The following EML5 variants were observed in gnomAD, a reference collection of about 807,000 sequenced individuals.
EML5 encodes echinoderm microtubule-associated protein-like 5.
Under a neutral mutation model 250.0 loss-of-function variants are expected in EML5, and 120 were observed. That is an observed-to-expected ratio of 0.48 (90% confidence interval 0.41 to 0.56). The LOEUF is 0.56. Among genes scored for constraint, EML5 ranks in the 20% least tolerant of loss-of-function variants. EML5 has a pLI of 0.00. For synonymous variants in EML5, 771 were observed against 806.5 expected (o/e 0.96, Z 0.75); for missense variants, 2,006 against 2,437.6 (o/e 0.82, Z 3.73).
chr14:88,612,780 T>TA lies in EML5; in HGVS notation c.*3037dup, dbSNP rs1491290850. 1 of 152,596 alleles carries TA rather than the reference T, an allele frequency of 6.6e-6. No homozygotes were observed. The highest frequency in any genetic ancestry group is 6.6e-5 in the Admixed American group (1 of 15,266). The allele number at this position is 152,596 out of a possible 1,614,324, so 9.5% of individuals were successfully genotyped here. ...GAAACTTTTGGCCTACTGTATTACT[T>TA]ACAGAGTTTTTTTGTGTGTGGTTTT... On this transcript the variant is annotated 3_prime_UTR_variant, in exon 44 of 44. Coordinates refer to ENST00000554922, the MANE Select transcript of EML5 (RefSeq NM_183387.3).
At chr14:88,741,868 T>C (rs1435873050) in intron 4 of EML5, among the ~76,000 whole-genome samples, 2 of 152,184 alleles carry the variant, frequency 1.3e-5, no homozygotes, top group South Asian at 2.1e-4. Flanking sequence ...ATTTTAAAAT[T>C]TGAAGCCTCA....
rs574980621 is a variant in EML5 at position 88,681,517 on chromosome 14, C to T, written c.3124+373G>A. 5.9e-5 allele frequency among the ~76,000 whole-genome samples: 9 copies of T among 152,310 alleles called. No homozygotes were observed. The South Asian group carries it at 1.9e-3, about 32-fold the overall frequency. On this transcript the variant is annotated intron_variant, in intron 21 of 43. Coordinates refer to ENST00000554922, the MANE Select transcript of EML5 (RefSeq NM_183387.3). ...TACAATATCCTTCCTCAGCTGTCTA[C>T]CCTTAGTTTTTAGTTCTTTTTTGAA...
At chr14:88,773,190 G>A (rs2094411710) in intron 1 of EML5, among the ~76,000 whole-genome samples, 1 of 152,160 alleles carries the variant, frequency 6.6e-6, no homozygotes, top group African/African-American at 2.4e-5. Context: ...GAGGCACTGG[G>A]TCATAGTACA....
At chr14:88,628,002 G>T (rs903233360) in intron 33 of EML5, 183 bp from the exon 34 acceptor site, 2 of 696,764 alleles carry the variant, frequency 2.9e-6, no homozygotes, top group East Asian at 5.7e-5. Flanking sequence ...TGGGGGTGGG[G>T]AGGAAAGAAA....
chr14:88,627,689 T>A lies in EML5; in HGVS notation c.4488A>T (p.Gly1496=). The change falls in exon 34 of 44, where the codon GGA becomes GGT. Residue 1496 remains glycine, a synonymous_variant. Coordinates refer to ENST00000554922, the MANE Select transcript of EML5 (RefSeq NM_183387.3). The part of the protein sequence containing the change: ...SATGKLLLSV[G]LDPEHTITIW... ...TGGTAATAGTATGTTCTGGGTCTAGTCCCACAGACAGCAATAGTTTGCCAG... is the reference window on the plus strand; with the variant it reads ...TGGTAATAGTATGTTCTGGGTCTAGACCCACAGACAGCAATAGTTTGCCAG... 3 of 1,613,398 alleles carry A rather than the reference T, an allele frequency of 1.9e-6. No homozygotes were observed. Among genetic ancestry groups the A allele is most frequent in the Non-Finnish European group, 2.5e-6 (3 of 1,179,690 alleles).
chr14:88,693,937 ATT>A (rs546736691), intron 17 of EML5, among the ~76,000 whole-genome samples: 12 of 137,206 alleles, frequency 8.7e-5, no homozygotes, highest in Admixed American at 1.5e-4. Context: ...TGCCCAGCTA[ATT>A]TTTTTTTTTT....
Position 88,638,811 on chromosome 14 carries a change from A to G in EML5, c.4334T>C (p.Val1445Ala). The G allele has an allele frequency of 6.3e-7, 1 of 1,577,952 alleles. No homozygotes were observed. Among genetic ancestry groups the G allele is most frequent in the South Asian group, 1.2e-5 (1 of 85,338 alleles). ...CTTTTTAAAATACAGAAACATACCT[A>G]CTTGGCCAGTTGCCACTATGTTGAT... ...KFINIVATGQVGDSADMSATA... is the reference protein window; with the variant it reads ...KFINIVATGQAGDSADMSATA... Residue 1445 changes from valine to alanine, a missense_variant and splice_region_variant, in exon 32 of 44, where the codon GTA (valine) becomes GCA (alanine). This residue lies in a region of EML5 where 1,375 missense variants were observed against 1,590.3 expected (regional missense o/e 0.86). Transcript: ENST00000554922.
chr14:88,699,985 T>C (rs1403932047), intron 14 of EML5, among the ~76,000 whole-genome samples: 4 of 152,200 alleles, frequency 2.6e-5, no homozygotes, highest in East Asian at 3.9e-4. Context: ...CACACACACA[T>C]ACATATACAC....
At chr14:88,702,321 A>G (rs2093230354) in intron 14 of EML5, 125 bp downstream of exon 14, 3 of 688,118 alleles carry the variant, frequency 4.4e-6, no homozygotes, top group Admixed American at 4.3e-5. Flanking sequence ...ATCTGAAAAT[A>G]AAACTCATTC....
At chr14:88,626,035 G>GCTATTTCCTTCTGTCTCA (rs2089892885) in intron 35 of EML5, 1 of 152,194 alleles carries the variant, frequency 6.6e-6, no homozygotes, top group Non-Finnish European at 1.5e-5. Context: ...CAGGAATTGT[G>GCTATTTCCTTCTGTCTCA]CTATTTCCTT....
chr14:88,657,755 A>G (rs1490708788), intron 26 of EML5, among the ~76,000 whole-genome samples: 1 of 152,194 alleles, frequency 6.6e-6, no homozygotes, highest in Non-Finnish European at 1.5e-5. Context: ...TCTTAAAAAA[A>G]TATTAGCTAC....
chr14:88,654,837 T>G (rs1303126659), intron 27 of EML5, among the ~76,000 whole-genome samples: 1 of 152,194 alleles, frequency 6.6e-6, no homozygotes, highest in East Asian at 1.9e-4. Context: ...TTATCCTTGT[T>G]AATTTTCTGT....
At chr14:88,661,046 T>C (rs2092081446) in intron 25 of EML5, among the ~76,000 whole-genome samples, 1 of 152,200 alleles carries the variant, frequency 6.6e-6, no homozygotes, top group Non-Finnish European at 1.5e-5. Flanking sequence ...ATATATTTAA[T>C]TAAAAATTGA....
At chr14:88,721,611 T>A (rs2093590826) in intron 8 of EML5, among the ~76,000 whole-genome samples, 1 of 152,040 alleles carries the variant, frequency 6.6e-6, no homozygotes, top group South Asian at 2.1e-4. Context: ...TATACAAAAA[T>A]TAACTCAAGA....
intron 2 of EML5, among the ~76,000 whole-genome samples, chr14:88,751,906 A>T (rs1428044191): frequency 6.6e-6 from 1 of 152,214 alleles, no homozygotes; most frequent in Non-Finnish European, 1.5e-5. Flanking sequence ...ATCCATAAAA[A>T]ATTTTAGCAC....
intron 1 of EML5, among the ~76,000 whole-genome samples, chr14:88,791,249 G>A (rs77348153): frequency 0.022 from 3,363 of 152,264 alleles, 143 homozygotes; most frequent in African/African-American, 0.076. Context: ...CCAAGGTACC[G>A]TATTTGAAAT....
At chr14:88,623,847 T>G (rs1204537808) in intron 36 of EML5, 1 of 152,196 alleles carries the variant, frequency 6.6e-6, no homozygotes, top group African/African-American at 2.4e-5. Context: ...AATACAAGTG[T>G]TGGAGGACGA....
In EML5 at chr14:88,736,409, G is replaced by A; in HGVS notation, c.1004C>T (p.Pro335Leu). The A allele has an allele frequency of 6.2e-7, 1 of 1,613,950 alleles. No individual in the cohort carries two copies. Among genetic ancestry groups the A allele is most frequent in the South Asian group, 1.1e-5 (1 of 91,082 alleles). ...TCCAGTCACAGCCAAAGGTTTAGTA[G>A]GATGGACAGCAAGTGCCCAAAGTTC... ...EGELWALAVH[P>L]TKPLAVTGSD... The change falls in exon 7 of 44, where the codon CCT becomes CTT. Residue 335 changes from proline to leucine, a missense_variant. Transcript: ENST00000554922.
At chr14:88,783,576 C>T (rs752400184) in intron 1 of EML5, among the ~76,000 whole-genome samples, 19 of 151,974 alleles carry the variant, frequency 1.3e-4, no homozygotes, top group Non-Finnish European at 2.1e-4. Context: ...ACAAAGTCAC[C>T]GTATAATGAC....
Sources: gnomAD v4.1 joint callset for allele counts (sites outside exome capture counted in the v4.1 genomes callset) on GRCh38, gnomAD v4.1.1 for gene constraint, gnomAD v4.1.1 regional missense constraint, MANE v1.5 for transcripts, NCBI Gene and HGNC (gene_info 2026-07-23, HGNC 2026-07-21) for gene names.